Variants in DOCK11 observed in about 807,000 individuals in gnomAD.
The protein encoded by DOCK11 is dedicator of cytokinesis protein 11.
DOCK11 carries 70 observed loss-of-function variants against 169.1 expected under a neutral mutation model. The ratio of observed to expected loss-of-function variants is 0.41; its 90% confidence interval spans 0.34 to 0.51. The LOEUF (loss-of-function observed/expected upper bound fraction) is 0.51. DOCK11 is among the 20% of genes least tolerant of loss of function. The pLI is 0.10. For synonymous variants in DOCK11, 529 were observed against 541.3 expected (o/e 0.98, Z 0.32); for missense variants, 1,166 against 1,538.8 (o/e 0.76, Z 4.05).
At chrX:118,645,764 G>T (rs759778897) in intron 40 of DOCK11, among the ~76,000 whole-genome samples, 2 of 107,054 alleles carry the variant, frequency 1.9e-5, no homozygotes, top group South Asian at 8.3e-4. Context: ...AGATAGGTTT[G>T]TCACTTTTAA....
At chrX:118,578,675 T>G (rs1408392211) in intron 13 of DOCK11, 28 bp downstream of exon 13, 7 of 1,175,300 alleles carry the variant, frequency 6.0e-6, no homozygotes, top group Non-Finnish European at 8.0e-6. Context: ...TTGATCAACA[T>G]TTCACCTTAA....
chrX:118,529,406 G>C (rs1408867808), intron 1 of DOCK11, among the ~76,000 whole-genome samples: 1 of 112,553 alleles, frequency 8.9e-6, no homozygotes, highest in Non-Finnish European at 1.9e-5. Flanking sequence ...ACTATTAAAA[G>C]TGTTCAGTAG....
rs140925105 is a variant in DOCK11, at chrX:118,659,046, T to C, written c.4970-3640T>C. ...GGTATCCAGGATCTGATAGCTTGAG[T>C]TTCATGAAGCTTTTTATTCCCTCAT... is the stretch of plus-strand genomic sequence containing the variant. On this transcript the variant is annotated intron_variant, in intron 44 of 52. Transcript: ENST00000276202. Among the ~76,000 whole-genome samples the C allele has an allele frequency of 5.7e-3, 635 of 111,727 alleles. 2 individuals carry two copies. Among genetic ancestry groups the C allele is most frequent in the African/African-American group, 0.02 (604 of 30,736 alleles).
intron 1 of DOCK11, among the ~76,000 whole-genome samples, chrX:118,514,103 T>A (rs1486932853): frequency 9.1e-6 from 1 of 110,485 alleles, no homozygotes; most frequent in Non-Finnish European, 1.9e-5. Flanking sequence ...AGTGAATGAG[T>A]CTCATGCATA....
chrX:118,661,085 A>G (rs1440425051), intron 44 of DOCK11, among the ~76,000 whole-genome samples: 1 of 108,807 alleles, frequency 9.2e-6, no homozygotes, highest in East Asian at 2.9e-4. Flanking sequence ...GGCTTGCACC[A>G]GTAGTCCCAG....
chrX:118,543,514 A>G lies in DOCK11; in HGVS notation c.313A>G (p.Ile105Val), dbSNP rs1196561117. 1 of 1,196,060 alleles carries G rather than the reference A, an allele frequency of 8.4e-7. No homozygotes were observed. Among genetic ancestry groups the G allele is most frequent in the African/African-American group, 1.7e-5 (1 of 57,193 alleles). Residue 105 changes from isoleucine (I) to valine (V), a missense_variant, in exon 4 of 53, where the codon ATT becomes GTT. By Grantham distance (29) the Ile-to-Val change is conservative. Coordinates refer to ENST00000276202, the MANE Select transcript of DOCK11 (RefSeq NM_144658.4). ...CAAGATTCCTATTTTCTTTCAGTGTATTAAAACCTATAGCACAGATTGGCA... is the reference window on the plus strand; with the variant it reads ...CAAGATTCCTATTTTCTTTCAGTGTGTTAAAACCTATAGCACAGATTGGCA... The part of the protein sequence containing the change: ...RAQSLFVKEC[I>V]KTYSTDWHVV...
intron 44 of DOCK11, among the ~76,000 whole-genome samples, chrX:118,660,687 G>A (rs894702722): frequency 1.8e-5 from 2 of 109,087 alleles, no homozygotes; most frequent in African/African-American, 6.7e-5. Context: ...AGCCAGGATG[G>A]TCTCAATCTC....
chrX:118,647,762 AT>A (rs2015756962), intron 40 of DOCK11, among the ~76,000 whole-genome samples: 2 of 45,248 alleles, frequency 4.4e-5, no homozygotes, highest in East Asian at 1.4e-3. Context: ...AATATATAAT[AT>A]ATTATAATAT....
chrX:118,671,744 A>G (rs1054544159), intron 46 of DOCK11, among the ~76,000 whole-genome samples: 21 of 111,817 alleles, frequency 1.9e-4, no homozygotes, highest in African/African-American at 6.8e-4. Context: ...CAGTGGCGCA[A>G]TCTTGGCTCA....
chrX:118,509,089 G>T (rs1165600274), intron 1 of DOCK11, among the ~76,000 whole-genome samples: 2 of 111,294 alleles, frequency 1.8e-5, no homozygotes, highest in Non-Finnish European at 3.8e-5. Context: ...CTGTATCTCT[G>T]TCTGGCCCCC....
At chrX:118,645,255 A>G (rs2015626282) in intron 40 of DOCK11, among the ~76,000 whole-genome samples, 1 of 111,856 alleles carries the variant, frequency 8.9e-6, no homozygotes, top group East Asian at 2.8e-4. Context: ...CATCCATACT[A>G]TATTTATTGA....
In DOCK11 at chrX:118,608,073, G is replaced by C; in HGVS notation, c.2683G>C (p.Val895Leu). 1 of 1,192,423 alleles carries C rather than the reference G, an allele frequency of 8.4e-7. No homozygotes were observed. Among genetic ancestry groups the C allele is most frequent in the Non-Finnish European group, 1.1e-6 (1 of 886,470 alleles). Residue 895 changes from valine to leucine, a missense_variant and splice_region_variant, in exon 25 of 53, where the codon GTT becomes CTT. By Grantham distance (32) the Val-to-Leu change is conservative. Transcript: ENST00000276202. Reference protein sequence around the residue: ...EDDVPINCTMVLLHIVSKCHE... With the variant: ...EDDVPINCTMLLLHIVSKCHE... ...TGACTCTTGTGAATGTCGTTTCAGG[G>C]TTCTCTTACATATTGTATCAAAGTG...
intron 52 of DOCK11, among the ~76,000 whole-genome samples, chrX:118,683,908 A>G (rs2016796915): frequency 8.9e-6 from 1 of 112,037 alleles, no homozygotes; most frequent in Admixed American, 9.5e-5. Flanking sequence ...TTGTATATTG[A>G]TAGCTAACCA....
chrX:118,519,935 T>G (rs1399477550), intron 1 of DOCK11, among the ~76,000 whole-genome samples: 1 of 111,894 alleles, frequency 8.9e-6, no homozygotes, highest in African/African-American at 3.3e-5. Flanking sequence ...GAAGGATAAC[T>G]CTGGGAAGTT....
intron 23 of DOCK11, among the ~76,000 whole-genome samples, chrX:118,603,491 A>G (rs2014403919): frequency 8.9e-6 from 1 of 111,889 alleles, no homozygotes; most frequent in African/African-American, 3.3e-5. Context: ...GCACTATTCT[A>G]TTTATCATTT....
At chrX:118,637,088 A>G (rs1343225419) in intron 36 of DOCK11, among the ~76,000 whole-genome samples, 2 of 112,750 alleles carry the variant, frequency 1.8e-5, no homozygotes, top group Non-Finnish European at 3.7e-5. Context: ...CCCTTGGATT[A>G]AAGTCTTACA....
intron 2 of DOCK11, 38 bp downstream of exon 2, chrX:118,542,879 T>G (rs759748114): frequency 5.0e-6 from 6 of 1,198,451 alleles, no homozygotes; most frequent in Admixed American, 4.4e-5. Flanking sequence ...AAAAAACCCC[T>G]ATTTTTCAAG....
intron 20 of DOCK11, among the ~76,000 whole-genome samples, chrX:118,596,543 C>A (rs1048846569): frequency 5.4e-5 from 6 of 112,010 alleles, no homozygotes; most frequent in African/African-American, 1.9e-4. Flanking sequence ...AGCCAATACC[C>A]TCTCTCATAT....
intron 6 of DOCK11, among the ~76,000 whole-genome samples, chrX:118,551,628 G>A (rs1401761960): frequency 9.0e-6 from 1 of 110,621 alleles, no homozygotes; most frequent in Admixed American, 9.7e-5. Context: ...AGCCTGGGAG[G>A]TCAAAGCTAC....
Sources: gnomAD v4.1 joint callset for allele counts (sites outside exome capture counted in the v4.1 genomes callset) on GRCh38, gnomAD v4.1.1 for gene constraint, MANE v1.5 for transcripts, NCBI Gene and HGNC (gene_info 2026-07-23, HGNC 2026-07-21) for gene names.